The following ABCA5 variants were observed in gnomAD, a reference collection of about 807,000 sequenced individuals.
The protein encoded by ABCA5 is cholesterol transporter ABCA5.
Under a neutral mutation model 206.0 loss-of-function variants are expected in ABCA5, and 163 were observed. That is an observed-to-expected ratio of 0.79 (90% CI 0.70 to 0.90). ABCA5 has a LOEUF of 0.90. ABCA5 is among the 40% of genes least tolerant of loss of function. The pLI, the probability that ABCA5 is intolerant of heterozygous loss-of-function variation, is 0.00. For synonymous variants in ABCA5, 609 were observed against 613.8 expected (o/e 0.99, Z 0.11); for missense variants, 1,859 against 1,912.9 (o/e 0.97, Z 0.53).
chr17:69,300,765 A>C (rs1367543035), intron 9 of ABCA5, among the ~76,000 whole-genome samples: 1 of 152,182 alleles, frequency 6.6e-6, no homozygotes, highest in Non-Finnish European at 1.5e-5. Context: ...GGAGTTTGCT[A>C]TATTGGCTAT....
At chr17:69,280,396 G>C (rs1486840637) in intron 18 of ABCA5, among the ~76,000 whole-genome samples, 1 of 150,600 alleles carries the variant, frequency 6.6e-6, no homozygotes, top group African/African-American at 2.4e-5. Context: ...AGGTGCTGGA[G>C]AGGATATGGA....
chr17:69,303,837 T>C (rs71378945), intron 7 of ABCA5, among the ~76,000 whole-genome samples: 67 of 6,108 alleles, frequency 0.011, 13 homozygotes, highest in Non-Finnish European at 0.047. Flanking sequence ...TATATATATA[T>C]ATACATACAT....
chr17:69,292,368 G>C (rs1187548723), intron 11 of ABCA5, among the ~76,000 whole-genome samples: 1 of 151,988 alleles, frequency 6.6e-6, no homozygotes, highest in South Asian at 2.1e-4. Context: ...CATATTTTTT[G>C]ATGCTAAATG....
intron 3 of ABCA5, among the ~76,000 whole-genome samples, chr17:69,312,182 T>C (rs796524067): frequency 1.7e-4 from 26 of 152,210 alleles, no homozygotes; most frequent in Admixed American, 1.6e-3. Flanking sequence ...TAAGAATTTC[T>C]GTCACTTTCT....
At chr17:69,277,536 T>C (rs2075347386) in intron 19 of ABCA5, 105 bp downstream of exon 19, 1 of 897,906 alleles carries the variant, frequency 1.1e-6, no homozygotes, top group East Asian at 3.1e-5. Context: ...TTCGAAACTA[T>C]ATAAATTATT....
At position 69,306,403 on chromosome 17, in the gene ABCA5, T is replaced by C. The variant is rs140459028; in HGVS notation, c.788+322A>G. The stretch of plus-strand genomic sequence containing the variant: ...ATTTCACATTTCCTGAACTCTGAAA[T>C]ACACAGAAATATACGTGGAGTATAT... On this transcript the variant is annotated intron_variant, in intron 6 of 38. Transcript: ENST00000392676. Among the ~76,000 whole-genome samples the C allele has an allele frequency of 4.5e-3, 683 of 152,198 alleles. 5 individuals carry two copies. Among genetic ancestry groups the C allele is most frequent in the African/African-American group, 0.015 (642 of 41,558 alleles).
chr17:69,259,066 A>G (rs969681230), intron 28 of ABCA5, among the ~76,000 whole-genome samples: 1 of 152,076 alleles, frequency 6.6e-6, no homozygotes, highest in African/African-American at 2.4e-5. Context: ...ATGACCCAGC[A>G]ATCCCATTTC....
At position 69,244,832 on chromosome 17, in the gene ABCA5, T is replaced by C. The variant is rs1338059939; in HGVS notation, c.*2705A>G. ...AAATTAATTGTGCTCCTATAAAACG[T>C]TGTTAGTACTACTAGCAAAGGATTT... is the stretch of plus-strand genomic sequence containing the variant. On this transcript the variant is annotated 3_prime_UTR_variant, in exon 39 of 39. Coordinates refer to ENST00000392676, the MANE Select transcript of ABCA5 (RefSeq NM_172232.4). The C allele has an allele frequency of 1.3e-5, 2 of 150,874 alleles. No individual in the cohort carries two copies. Among genetic ancestry groups the C allele is most frequent in the South Asian group, 4.2e-4 (2 of 4,808 alleles). The allele number at this position is 150,874 out of a possible 1,614,324, so 9.3% of individuals were successfully genotyped here.
intron 16 of ABCA5, 46 bp downstream of exon 16, chr17:69,286,175 T>G (rs1025222951): frequency 1.9e-6 from 3 of 1,566,256 alleles, no homozygotes; most frequent in African/African-American, 2.7e-5. Context: ...AATAACAGTA[T>G]AGCAAGAGTA....
chr17:69,261,226 T>A lies in ABCA5; in HGVS notation c.3463A>T (p.Thr1155Ser). Reference sequence around the variant, plus strand: ...GCAATTGTGTATCCCATAAAGAAAGTTATTTCAGTGATTGCAATACAAGCC... The same window carrying A: ...GCAATTGTGTATCCCATAAAGAAAGATATTTCAGTGATTGCAATACAAGCC... The part of the protein sequence containing the change: ...ALACIAITEI[T>S]FFMGYTIATI... Residue 1155 changes from threonine to serine, a missense_variant, in exon 26 of 39, where the codon ACT (threonine) becomes TCT (serine). Coordinates refer to ENST00000392676, the MANE Select transcript of ABCA5 (RefSeq NM_172232.4). 6.2e-7 allele frequency: 1 copy of A among 1,608,282 alleles called. No individual in the cohort carries two copies. Among genetic ancestry groups the A allele is most frequent in the Non-Finnish European group, 8.5e-7 (1 of 1,177,320 alleles).
At position 69,284,022 on chromosome 17, in the gene ABCA5, C is replaced by T; in HGVS notation, c.2323G>A (p.Gly775Ser). 1 of 1,605,310 alleles carries T rather than the reference C, an allele frequency of 6.2e-7. No homozygotes were observed. Among genetic ancestry groups the T allele is most frequent in the Non-Finnish European group, 8.5e-7 (1 of 1,176,556 alleles). Residue 775 changes from glycine to serine, a missense_variant, in exon 18 of 39, where the codon GGT becomes AGT. Coordinates refer to ENST00000392676, the MANE Select transcript of ABCA5 (RefSeq NM_172232.4). Reference protein sequence around the residue: ...SHSNLGVISYGVSMTTLEDVF... With the variant: ...SHSNLGVISYSVSMTTLEDVF... ...TCTTCCAAAGTCGTCATGGAAACAC[C>T]ATAAGAAATGACACCCAAATTTGAA... is the stretch of plus-strand genomic sequence containing the variant.
In ABCA5 at chr17:69,251,755, C is replaced by T; in HGVS notation, c.4527G>A (p.Gly1509=). 2 of 1,613,758 alleles carry T rather than the reference C, an allele frequency of 1.2e-6. No homozygotes were observed. The highest frequency in any genetic ancestry group is 1.1e-5 in the South Asian group (1 of 90,974). ...GCTATTTAGACATCAACCTTAACTGCCCAGACACCATGATAGCTACTCGAT... is the reference window on the plus strand; with the variant it reads ...GCTATTTAGACATCAACCTTAACTGTCCAGACACCATGATAGCTACTCGAT... ...VCDRVAIMVS[G]QLRCIGTVQH... is the part of the protein sequence containing the mutation. The change falls in exon 35 of 39, where the codon GGG becomes GGA. Residue 1509 remains glycine, a synonymous_variant. Coordinates refer to ENST00000392676, the MANE Select transcript of ABCA5 (RefSeq NM_172232.4).
At chr17:69,263,987 C>T (rs1039459980) in intron 24 of ABCA5, among the ~76,000 whole-genome samples, 45 of 152,078 alleles carry the variant, frequency 3.0e-4, no homozygotes, top group Admixed American at 5.9e-4. Context: ...TGAGCCCCCG[C>T]GCCCAGCTTA....
At chr17:69,262,781 TTTAAG>T (rs1267722355) in intron 24 of ABCA5, among the ~76,000 whole-genome samples, 2 of 127,394 alleles carry the variant, frequency 1.6e-5, no homozygotes, top group East Asian at 2.2e-4. Context: ...GTAGTTCTGT[TTTAAG>T]TTTTTTGAGA....
intron 28 of ABCA5, among the ~76,000 whole-genome samples, chr17:69,259,019 G>GTAT (rs2075115864): frequency 6.6e-6 from 1 of 151,960 alleles, no homozygotes; most frequent in South Asian, 2.1e-4. Context: ...GTGTAAAATG[G>GTAT]TATTACCACT....
intron 9 of ABCA5, among the ~76,000 whole-genome samples, chr17:69,299,508 C>A (rs145817596): frequency 0.017 from 1,116 of 65,360 alleles, 19 homozygotes; most frequent in African/African-American, 0.043. Flanking sequence ...ACAAAGGAAT[C>A]CTACTCATCC....
intron 32 of ABCA5, 65 bp from the exon 33 acceptor site, chr17:69,253,934 G>T: frequency 1.5e-6 from 2 of 1,332,388 alleles, no homozygotes; most frequent in Non-Finnish European, 2.1e-6. Flanking sequence ...CCAACTGGGT[G>T]TGATCCCTGA....
chr17:69,284,119 A>C, intron 17 of ABCA5, 47 bp from the exon 18 acceptor site: 2 of 1,405,688 alleles, frequency 1.4e-6, no homozygotes, highest in Non-Finnish European at 1.9e-6. Flanking sequence ...GCATATTATC[A>C]TAAATTATTG....
chr17:69,268,929 C>T (rs1480353406), intron 22 of ABCA5: 1 of 151,984 alleles, frequency 6.6e-6, no homozygotes, highest in Non-Finnish European at 1.5e-5. Flanking sequence ...CTGAAACTCT[C>T]GTAATATGAC....
Sources: gnomAD v4.1 joint callset for allele counts (sites outside exome capture counted in the v4.1 genomes callset) on GRCh38, gnomAD v4.1.1 for gene constraint, MANE v1.5 for transcripts, NCBI Gene and HGNC (gene_info 2026-07-23, HGNC 2026-07-21) for gene names.